ZNF267: variants seen among roughly 807,000 people sequenced by gnomAD.
The protein encoded by ZNF267 is zinc finger (C2H2).
Under a neutral mutation model 71.6 loss-of-function variants are expected in ZNF267, and 61 were observed. That is an observed-to-expected ratio of 0.85 (90% confidence interval 0.69 to 1.05). The LOEUF is 1.05. Ranked by LOEUF, ZNF267 falls within the 50% of genes least tolerant of loss-of-function variation. The pLI, the probability that ZNF267 is intolerant of heterozygous loss-of-function variation, is 0.00. For missense variants in ZNF267, 852 were observed against 870.0 expected (o/e 0.98, Z 0.26); for synonymous variants, 288 against 293.2 (o/e 0.98, Z 0.18).
chr16:31,886,631 G>C (rs895521894), intron 3 of ZNF267, among the ~76,000 whole-genome samples: 2 of 152,158 alleles, frequency 1.3e-5, no homozygotes, highest in South Asian at 4.1e-4. Context: ...GTTGGGTACT[G>C]CTACTGTAGA....
rs183201392 is a variant in ZNF267 at position 31,899,657 on chromosome 16, A to G, written c.226+14401A>G. Reference sequence around the variant, plus strand: ...CAAGAGGAAAAAATCTTAAAATTACATAGTGAAAGGAAAATGTGAGAGATG... The same window carrying G: ...CAAGAGGAAAAAATCTTAAAATTACGTAGTGAAAGGAAAATGTGAGAGATG... On this transcript the variant is annotated intron_variant, in intron 3 of 3. Transcript: ENST00000300870. Among the ~76,000 whole-genome samples, 576 of 152,164 alleles carry G rather than the reference A, an allele frequency of 3.8e-3. 14 individuals carry two copies. Among genetic ancestry groups the G allele is most frequent in the Admixed American group, 0.034 (515 of 15,290 alleles).
At chr16:31,901,454 C>T (rs1169334499) in intron 3 of ZNF267, among the ~76,000 whole-genome samples, 1 of 152,190 alleles carries the variant, frequency 6.6e-6, no homozygotes, top group Non-Finnish European at 1.5e-5. Flanking sequence ...ACATCCTCTC[C>T]AGCACTTGTT....
intron 1 of ZNF267, among the ~76,000 whole-genome samples, chr16:31,879,781 C>G (rs976635154): frequency 1.3e-5 from 2 of 152,190 alleles, no homozygotes; most frequent in Non-Finnish European, 2.9e-5. Flanking sequence ...ATCTTCAGAC[C>G]TGAAACTGAT....
At chr16:31,889,963 T>C (rs1235568363) in intron 3 of ZNF267, among the ~76,000 whole-genome samples, 1 of 152,236 alleles carries the variant, frequency 6.6e-6, no homozygotes, top group Non-Finnish European at 1.5e-5. Flanking sequence ...GTTGATTTTC[T>C]AGTTTTACAC....
chr16:31,884,557 G>T lies in ZNF267; in HGVS notation c.63G>T (p.Leu21=). 6.2e-7 allele frequency: 1 copy of T among 1,614,100 alleles called. No homozygotes were observed. Among genetic ancestry groups the T allele is most frequent in the Non-Finnish European group, 8.5e-7 (1 of 1,179,976 alleles). Residue 21 remains leucine (L), a synonymous_variant, in exon 2 of 4, where the codon CTG becomes CTT. Coordinates refer to ENST00000300870, the MANE Select transcript of ZNF267 (RefSeq NM_003414.6). ...TCTCTTTGGAGGAGTGGGAACACCTGGAACCAGCTCAGAAGAATTTGTATC... is the reference window on the plus strand; with the variant it reads ...TCTCTTTGGAGGAGTGGGAACACCTTGAACCAGCTCAGAAGAATTTGTATC... ...VEFSLEEWEH[L]EPAQKNLYQD...
At chr16:31,896,791 T>G (rs942338248) in intron 3 of ZNF267, among the ~76,000 whole-genome samples, 4 of 152,170 alleles carry the variant, frequency 2.6e-5, no homozygotes, top group African/African-American at 9.7e-5. Context: ...TTTAGAATTT[T>G]TTTTTCTATT....
rs1596615961 is a variant in ZNF267 at position 31,884,641 on chromosome 16, T to A, written c.130+17T>A. 1 of 1,604,896 alleles carries A rather than the reference T, an allele frequency of 6.2e-7. No individual in the cohort carries two copies. On this transcript the variant is annotated intron_variant, in intron 2 of 3. Coordinates refer to ENST00000300870, the MANE Select transcript of ZNF267 (RefSeq NM_003414.6). ...TCTCTCTGGGTGAGGATAACTTGCC[T>A]TCGGAATATCTAATAACTAAGAGTT... is the stretch of plus-strand genomic sequence containing the variant.
chr16:31,878,770 T>C (rs897086026), intron 1 of ZNF267, among the ~76,000 whole-genome samples: 9 of 152,140 alleles, frequency 5.9e-5, no homozygotes, highest in Non-Finnish European at 1.0e-4. Context: ...GCCCCTTCTT[T>C]ATGTGTACAC....
chr16:31,875,110 G>T (rs747705771), intron 1 of ZNF267: 14 of 1,288,614 alleles, frequency 1.1e-5, no homozygotes, highest in Admixed American at 2.3e-5. Flanking sequence ...TTATCGGAAA[G>T]AATGTCTTTT....
At chr16:31,887,146 GATGA>G (rs1370653556) in intron 3 of ZNF267, among the ~76,000 whole-genome samples, 2 of 151,906 alleles carry the variant, frequency 1.3e-5, no homozygotes, top group Non-Finnish European at 2.9e-5. Context: ...GCATTTTCCT[GATGA>G]ATAATAACAT....
chr16:31,913,750 C>G (rs1250324986), intron 3 of ZNF267: 1 of 152,402 alleles, frequency 6.6e-6, no homozygotes, highest in Non-Finnish European at 1.5e-5. Context: ...ACAGGGGTTT[C>G]CACTGGGCTA....
chr16:31,915,429 A>G lies in ZNF267; in HGVS notation c.1180A>G (p.Asn394Asp). 2 of 1,613,832 alleles carry G rather than the reference A, an allele frequency of 1.2e-6. No individual in the cohort carries two copies. The highest frequency in any genetic ancestry group is 1.7e-6 in the Non-Finnish European group (2 of 1,179,876). The stretch of plus-strand genomic sequence containing the variant: ...TAGCAAATCTTTTACTCGTTCCTCC[A>G]ATCTTATTGTGCATCAGAGAATTCA... ...ACSKSFTRSS[N>D]LIVHQRIHTG... Residue 394 changes from asparagine to aspartate, a missense_variant, in exon 4 of 4, where the codon AAT (asparagine) becomes GAT (aspartate). By Grantham distance (23) the Asn-to-Asp change is conservative (BLOSUM62 1). Coordinates refer to ENST00000300870, the MANE Select transcript of ZNF267 (RefSeq NM_003414.6).
At chr16:31,881,837 G>A (rs937678617) in intron 1 of ZNF267, among the ~76,000 whole-genome samples, 4 of 151,894 alleles carry the variant, frequency 2.6e-5, no homozygotes, top group Non-Finnish European at 5.9e-5. Flanking sequence ...GCTGATTTTT[G>A]TATTTTTAGT....
intron 3 of ZNF267, among the ~76,000 whole-genome samples, chr16:31,905,115 C>T (rs1258202573): frequency 1.3e-5 from 2 of 152,142 alleles, no homozygotes; most frequent in Non-Finnish European, 2.9e-5. Context: ...ATATTGGCCC[C>T]CACTCTCTTC....
intron 1 of ZNF267, among the ~76,000 whole-genome samples, chr16:31,884,106 C>T (rs1189503560): frequency 6.6e-6 from 1 of 152,134 alleles, no homozygotes; most frequent in African/African-American, 2.4e-5. Flanking sequence ...TCAGACTCTG[C>T]CTTTGAAGAA....
intron 1 of ZNF267, chr16:31,874,194 A>G: frequency 2.0e-6 from 1 of 500,578 alleles, no homozygotes; most frequent in East Asian, 3.5e-5. Context: ...CCGCAGAGCG[A>G]CCTCGTCCCT....
chr16:31,900,789 T>G (rs1357515178), intron 3 of ZNF267, among the ~76,000 whole-genome samples: 3 of 149,006 alleles, frequency 2.0e-5, no homozygotes, highest in Non-Finnish European at 4.5e-5. Flanking sequence ...TTTAACTTAT[T>G]TTTATTTTTT....
rs1424606759 is a variant in ZNF267, at chr16:31,873,935, C to T, written c.-32C>T. On this transcript the variant is annotated 5_prime_UTR_variant, in exon 1 of 4. Transcript: ENST00000300870. ...CTTGCAGGCACTGGGAGATTCGTAG[C>T]TAAGACGCCAGGGCATCCCGGAAGC... is the stretch of plus-strand genomic sequence containing the variant. The T allele has an allele frequency of 2.5e-6, 4 of 1,613,638 alleles. No individual in the cohort carries two copies. The Admixed American group carries it at 5.0e-5, about 20-fold the overall frequency.
intron 3 of ZNF267, among the ~76,000 whole-genome samples, chr16:31,910,084 A>G (rs1363197711): frequency 6.6e-6 from 1 of 152,210 alleles, no homozygotes; most frequent in Non-Finnish European, 1.5e-5. Context: ...ATGATGAACC[A>G]TTCTTGCATC....
Sources: gnomAD v4.1 joint callset for allele counts (sites outside exome capture counted in the v4.1 genomes callset) on GRCh38, gnomAD v4.1.1 for gene constraint, MANE v1.5 for transcripts, NCBI Gene and HGNC (gene_info 2026-07-23, HGNC 2026-07-21) for gene names.